Variants in KCNQ1 observed in about 807,000 individuals in gnomAD.
KCNQ1 encodes the protein potassium voltage-gated channel subfamily Q member 1.
In KCNQ1, 49 loss-of-function variants were observed where a neutral mutation model predicts 72.4. The ratio of observed to expected loss-of-function variants is 0.68; its 90% CI spans 0.54 to 0.86. KCNQ1 has a LOEUF of 0.86. KCNQ1 is among the 40% of genes least tolerant of loss of function. The pLI is 0.00. For missense variants in KCNQ1, 790 were observed against 945.1 expected (o/e 0.84, Z 2.15); for synonymous variants, 450 against 412.6 (o/e 1.09, Z -1.10).
In KCNQ1 at chr11:2,691,649, A is replaced by G. The variant is rs1240382167; in HGVS notation, c.1514+29568A>G. On this transcript the variant is annotated intron_variant, in intron 11 of 15. Transcript: ENST00000155840. The surrounding 1 kb of genome is among the most constrained non-coding windows in gnomAD (Gnocchi z 6.4). ...GTGGGGAGGTCCTCTTTACCGCCAC[A>G]GTTCCAAGGGTGAAACAGAGAACCA... 3 of 398,442 alleles carry G rather than the reference A, an allele frequency of 7.5e-6. No individual in the cohort carries two copies. The highest frequency in any genetic ancestry group is 1.3e-5 in the Non-Finnish European group (3 of 226,068). 24.7% of individuals were successfully genotyped at this position (398,442 alleles called of 1,614,324 possible).
rs1236879419 is a variant in KCNQ1 at position 2,600,229 on chromosome 11, A to G, written c.1393+11375A>G. 1.3e-5 allele frequency among the ~76,000 whole-genome samples: 2 copies of G among 152,116 alleles called. No individual in the cohort carries two copies. The highest frequency in any genetic ancestry group is 4.8e-5 in the African/African-American group (2 of 41,426). On this transcript the variant is annotated intron_variant, in intron 10 of 15. Coordinates refer to ENST00000155840, the MANE Select transcript of KCNQ1 (RefSeq NM_000218.3). This position sits in a 1 kb window ranked among gnomAD's most constrained non-coding sequence, Gnocchi z 5.6. ...TTATGACCACCAAAAACATCTCCAC[A>G]TGTTGCTACATGTCCCCTGGAGGGC...
At chr11:2,523,498 C>T (rs537188462) in intron 1 of KCNQ1, among the ~76,000 whole-genome samples, 110 of 152,356 alleles carry the variant, frequency 7.2e-4, no homozygotes, top group African/African-American at 2.5e-3. Context: ...CCGCGCCCGG[C>T]CCCACCACTG....
At chr11:2,622,474 T>A (rs1290941772) in intron 10 of KCNQ1, 1 of 398,316 alleles carries the variant, frequency 2.5e-6, no homozygotes, top group Non-Finnish European at 4.4e-6. Context: ...ACAGCATAGG[T>A]TGATGGTTTT....
Position 2,471,969 on chromosome 11 carries a change from G to T in KCNQ1, c.386+26485G>T, listed in dbSNP as rs1033663412. Among the ~76,000 whole-genome samples the T allele has an allele frequency of 1.7e-4, 26 of 149,668 alleles. No individual in the cohort carries two copies. Among genetic ancestry groups the T allele is most frequent in the Admixed American group, 1.5e-3 (22 of 15,074 alleles). On this transcript the variant is annotated intron_variant, in intron 1 of 15. Transcript: ENST00000155840. The surrounding 1 kb of genome is among the most constrained non-coding windows in gnomAD (Gnocchi z 4.8). ...GTGTAGGTGTGTGTTCATATATATG[G>T]GTGTGTGTGCACCTATGTGTATAAG...
At position 2,617,116 on chromosome 11, in the gene KCNQ1, A is replaced by G. The variant is rs2133798725; in HGVS notation, c.1393+28262A>G. 1 of 398,354 alleles carries G rather than the reference A, an allele frequency of 2.5e-6. No homozygotes were observed. The highest frequency in any genetic ancestry group is 4.4e-6 in the Non-Finnish European group (1 of 225,900). The allele number at this position is 398,354 out of a possible 1,614,324, so 24.7% of individuals were successfully genotyped here. On this transcript the variant is annotated intron_variant, in intron 10 of 15. Transcript: ENST00000155840. The surrounding 1 kb of genome is among the most constrained non-coding windows in gnomAD (Gnocchi z 4.6). ...AAAGCTATGATCTACTCAATTGGCA[A>G]AAATTCCAAATGCAATATACTAACT...
chr11:2,784,846 T>C lies in KCNQ1; in HGVS notation c.1794+6809T>C, dbSNP rs1846882936. Among the ~76,000 whole-genome samples, 1 of 152,052 alleles carries C rather than the reference T, an allele frequency of 6.6e-6. No homozygotes were observed. The highest frequency in any genetic ancestry group is 2.4e-5 in the African/African-American group (1 of 41,468). On this transcript the variant is annotated intron_variant, in intron 15 of 15. Transcript: ENST00000155840. The surrounding 1 kb of genome is among the most constrained non-coding windows in gnomAD (Gnocchi z 4.7). ...GAATTAATTGTTCATTACTAGTATA[T>C]AGAAGTAACATTAAATTTTTATATC...
rs1276928003 is a variant in KCNQ1, at chr11:2,653,582, T to G, written c.1394-8379T>G. 4 of 398,656 alleles carry G rather than the reference T, an allele frequency of 1.0e-5. No homozygotes were observed. The Admixed American group carries it at 1.3e-4, about 13-fold the overall frequency. The allele number at this position is 398,656 out of a possible 1,614,324, so 24.7% of individuals were successfully genotyped here. A position where few individuals can be genotyped will look rare whatever the true frequency, so the allele number is the denominator to read the frequency against. ...TCCCGTTCCCTCTTTTGTTCTCCCT[T>G]TCCCTTGCTCTCTATCCATTGGCCC... On this transcript the variant is annotated intron_variant, in intron 10 of 15. Coordinates refer to ENST00000155840, the MANE Select transcript of KCNQ1 (RefSeq NM_000218.3). This position sits in a 1 kb window ranked among gnomAD's most constrained non-coding sequence, Gnocchi z 5.3.
At chr11:2,631,442 T>G in intron 10 of KCNQ1, 1 of 398,602 alleles carries the variant, frequency 2.5e-6, no homozygotes, top group Middle Eastern at 6.3e-4. Context: ...TTTTTAGGAT[T>G]TCTATTTCTT....
rs889604479 is a variant in KCNQ1, at chr11:2,807,310, C to A, written c.1794+29273C>A. ...CTAATTGGCCCGGGGTCTTCCCAGCCCTGTGCTGTTTGTGTGCTATTTTAA... is the reference window on the plus strand; with the variant it reads ...CTAATTGGCCCGGGGTCTTCCCAGCACTGTGCTGTTTGTGTGCTATTTTAA... On this transcript the variant is annotated intron_variant, in intron 15 of 15. Coordinates refer to ENST00000155840, the MANE Select transcript of KCNQ1 (RefSeq NM_000218.3). Among the ~76,000 whole-genome samples, 3 of 152,166 alleles carry A rather than the reference C, an allele frequency of 2.0e-5. No homozygotes were observed. The East Asian group carries it at 5.8e-4, about 29-fold the overall frequency.
intron 1 of KCNQ1, among the ~76,000 whole-genome samples, chr11:2,525,969 T>C (rs1432398726): frequency 6.6e-6 from 1 of 152,164 alleles, no homozygotes; most frequent in African/African-American, 2.4e-5. Flanking sequence ...TGCTTGAGTA[T>C]AAAGGACACA....
At chr11:2,644,548 A>T in intron 10 of KCNQ1, 2 of 398,348 alleles carry the variant, frequency 5.0e-6, no homozygotes, top group Non-Finnish European at 8.8e-6. Flanking sequence ...TCAAGGTTTC[A>T]TCAATTTCTT....
rs986996910 is a variant in KCNQ1 at position 2,550,151 on chromosome 11, C to T, written c.478-20477C>T. Among the ~76,000 whole-genome samples, 1 of 152,210 alleles carries T rather than the reference C, an allele frequency of 6.6e-6. No individual in the cohort carries two copies. The highest frequency in any genetic ancestry group is 2.1e-4 in the South Asian group (1 of 4,830). ...GTAGAGAACCAGAGCTGCCGAGCCC[C>T]GGCCTGGATGGACATCCCGCAGGCA... is the stretch of plus-strand genomic sequence containing the variant. On this transcript the variant is annotated intron_variant, in intron 2 of 15. Coordinates refer to ENST00000155840, the MANE Select transcript of KCNQ1 (RefSeq NM_000218.3). The surrounding 1 kb of genome is among the most constrained non-coding windows in gnomAD (Gnocchi z 6.0).
chr11:2,741,335 G>A (rs568562149), intron 11 of KCNQ1, among the ~76,000 whole-genome samples: 22 of 152,330 alleles, frequency 1.4e-4, no homozygotes, highest in South Asian at 6.2e-4. Flanking sequence ...GGCGCTTGCC[G>A]GGGTGGCTGT....
chr11:2,823,070 G>T (rs1029731596), intron 15 of KCNQ1, among the ~76,000 whole-genome samples: 1 of 152,156 alleles, frequency 6.6e-6, no homozygotes, highest in African/African-American at 2.4e-5. Flanking sequence ...GTTCCAGAAA[G>T]GGAGATGAGA....
rs1316162975 is a variant in KCNQ1 at position 2,451,831 on chromosome 11, T to C, written c.386+6347T>C. Reference sequence around the variant, plus strand: ...ATGAGACAACTAGGCCTGGCCACTTTGCTCATGCCACACCCAGAAAGCCCT... The same window carrying C: ...ATGAGACAACTAGGCCTGGCCACTTCGCTCATGCCACACCCAGAAAGCCCT... On this transcript the variant is annotated intron_variant, in intron 1 of 15. Transcript: ENST00000155840. The surrounding 1 kb of genome is among the most constrained non-coding windows in gnomAD (Gnocchi z 6.4). Among the ~76,000 whole-genome samples the C allele has an allele frequency of 6.6e-6, 1 of 152,148 alleles. No homozygotes were observed. Among genetic ancestry groups the C allele is most frequent in the African/African-American group, 2.4e-5 (1 of 41,430 alleles).
rs568517802 is a variant in KCNQ1 at position 2,810,904 on chromosome 11, T to C, written c.1794+32867T>C. 2.6e-5 allele frequency among the ~76,000 whole-genome samples: 4 copies of C among 152,324 alleles called. No homozygotes were observed. In the East Asian group the frequency reaches 7.7e-4, roughly 29 times the overall value. On this transcript the variant is annotated intron_variant, in intron 15 of 15. Coordinates refer to ENST00000155840, the MANE Select transcript of KCNQ1 (RefSeq NM_000218.3). ...GAGTCCCACCTGTAGGACGCTCTGCTGTGGCAGAGGGACAGGACATGGACC... is the reference window on the plus strand; with the variant it reads ...GAGTCCCACCTGTAGGACGCTCTGCCGTGGCAGAGGGACAGGACATGGACC...
At chr11:2,459,517 T>G (rs1428443816) in intron 1 of KCNQ1, among the ~76,000 whole-genome samples, 1 of 152,144 alleles carries the variant, frequency 6.6e-6, no homozygotes, top group East Asian at 1.9e-4. Flanking sequence ...TAGGGGTCAC[T>G]GCCAGTCTGT....
In KCNQ1 at chr11:2,847,891, A is replaced by T. The variant is rs1246665674; in HGVS notation, c.1919A>T (p.Gln640Leu). The T allele has an allele frequency of 6.3e-7, 1 of 1,583,380 alleles. No individual in the cohort carries two copies. The highest frequency in any genetic ancestry group is 2.3e-5 in the East Asian group (1 of 43,132). The stretch of plus-strand genomic sequence containing the variant: ...AGAGAGGGCGGGGCCCACATCACCC[A>T]GCCCTGCGGCAGTGGCGGCTCCGTC... ...PPREGGAHIT[Q>L]PCGSGGSVDP... is the part of the protein sequence containing the mutation. The change falls in exon 16 of 16, where the codon CAG (glutamine) becomes CTG (leucine). Residue 640 changes from glutamine (Q) to leucine (L), a missense_variant. Physicochemically the swap from Gln to Leu is moderately radical, Grantham distance 113 (BLOSUM62 -2). Coordinates refer to ENST00000155840, the MANE Select transcript of KCNQ1 (RefSeq NM_000218.3).
chr11:2,630,538 C>T (rs1164149220), intron 10 of KCNQ1: 1 of 398,158 alleles, frequency 2.5e-6, no homozygotes, highest in Non-Finnish European at 4.4e-6. Flanking sequence ...TATTGCATAT[C>T]CATTGAGAAA....
Sources: allele counts gnomAD v4.1 joint callset (sites outside exome capture counted in the v4.1 genomes callset), GRCh38; gene constraint gnomAD v4.1.1; non-coding constraint Gnocchi (gnomAD v3.1); transcripts MANE v1.5; gene names NCBI Gene and HGNC (gene_info 2026-07-23, HGNC 2026-07-21).